OR9Q1: variants seen among roughly 807,000 people sequenced by gnomAD.
The protein encoded by OR9Q1 is olfactory receptor family 9 subfamily Q member 1.
For synonymous variants in OR9Q1, 153 were observed against 148.6 expected, an observed-to-expected ratio of 1.03 and a Z score of -0.22; for missense variants, 374 against 378.8, an observed-to-expected ratio of 0.99 and a Z score of 0.11.
chr11:58,048,013 T>C (rs955336627), intron 1 of OR9Q1, among the ~76,000 whole-genome samples: 13 of 152,302 alleles, frequency 8.5e-5, no homozygotes, highest in Admixed American at 3.3e-4. Flanking sequence ...GTTCCAAGTT[T>C]GTGTTAATCT....
intron 2 of OR9Q1, among the ~76,000 whole-genome samples, chr11:58,112,913 C>T (rs1413359953): frequency 6.6e-6 from 1 of 152,092 alleles, no homozygotes; most frequent in Non-Finnish European, 1.5e-5. Flanking sequence ...TGGTGGCTCA[C>T]TATGCTCCTC....
chr11:58,035,286 T>C (rs755322502), intron 1 of OR9Q1, among the ~76,000 whole-genome samples: 4 of 152,082 alleles, frequency 2.6e-5, no homozygotes, highest in African/African-American at 4.8e-5. Flanking sequence ...CAAATTGTGG[T>C]AGACAATCCA....
At chr11:58,024,693 C>CT (rs1852953428) in intron 1 of OR9Q1, among the ~76,000 whole-genome samples, 2 of 152,312 alleles carry the variant, frequency 1.3e-5, no homozygotes, top group South Asian at 4.1e-4. Context: ...TGGCTGACCT[C>CT]TTTTTTCCTG....
In OR9Q1 at chr11:58,139,356, A is replaced by C. The variant is rs1476626541; in HGVS notation, c.-14-40075A>C. ...GTGCAGGTTTGTTACATAGGTATAC[A>C]TGTGCCATGTTGGTGTGCTGCACCC... is the stretch of plus-strand genomic sequence containing the variant. On this transcript the variant is annotated intron_variant, in intron 2 of 2. Coordinates refer to ENST00000335397, the MANE Select transcript of OR9Q1 (RefSeq NM_001005212.4). 1.3e-5 allele frequency among the ~76,000 whole-genome samples: 2 copies of C among 151,614 alleles called. 1 individual carries two copies. The highest frequency in any genetic ancestry group is 2.9e-5 in the Non-Finnish European group (2 of 67,956).
chr11:58,121,718 C>G (rs183260303), intron 2 of OR9Q1, among the ~76,000 whole-genome samples: 1 of 152,314 alleles, frequency 6.6e-6, no homozygotes, highest in Admixed American at 6.5e-5. Flanking sequence ...TGTTAAGAAA[C>G]TCTTTTCCTT....
chr11:58,141,439 A>C (rs540540378), intron 2 of OR9Q1, among the ~76,000 whole-genome samples: 1 of 152,286 alleles, frequency 6.6e-6, no homozygotes, highest in East Asian at 1.9e-4. Context: ...TGGTTGTTGA[A>C]TTTTGTTAAA....
intron 2 of OR9Q1, among the ~76,000 whole-genome samples, chr11:58,134,757 G>A (rs187459584): frequency 1.7e-3 from 260 of 152,226 alleles, no homozygotes; most frequent in African/African-American, 5.6e-3. Context: ...AACTTGGTAA[G>A]GGATTTTGTG....
At chr11:58,095,121 A>G (rs2514190) in intron 2 of OR9Q1, among the ~76,000 whole-genome samples, 20,686 of 152,242 alleles carry the variant, frequency 0.14, 2,206 homozygotes, top group African/African-American at 0.26. Context: ...AAACTGACCA[A>G]ACCACTGTAG....
At chr11:58,083,445 T>G (rs946537278) in intron 2 of OR9Q1, among the ~76,000 whole-genome samples, 5 of 152,058 alleles carry the variant, frequency 3.3e-5, no homozygotes, top group African/African-American at 1.2e-4. Context: ...TTTCTTTTGC[T>G]GAGCAGAAGC....
chr11:58,119,086 T>G lies in OR9Q1; in HGVS notation c.-14-60345T>G, dbSNP rs762471068. Reference sequence around the variant, plus strand: ...GTTGCGAATGGCAGCATAGCGATCATAGGCCATCACTGCCAGCAGAAAGCA... The same window carrying G: ...GTTGCGAATGGCAGCATAGCGATCAGAGGCCATCACTGCCAGCAGAAAGCA... On this transcript the variant is annotated intron_variant, in intron 2 of 2. Coordinates refer to ENST00000335397, the MANE Select transcript of OR9Q1 (RefSeq NM_001005212.4). 9 of 1,613,938 alleles carry G rather than the reference T, an allele frequency of 5.6e-6. No homozygotes were observed. In the South Asian group the frequency reaches 9.9e-5, roughly 18 times the overall value.
chr11:58,136,258 G>C (rs1854188291), intron 2 of OR9Q1, among the ~76,000 whole-genome samples: 1 of 152,194 alleles, frequency 6.6e-6, no homozygotes, highest in Non-Finnish European at 1.5e-5. Context: ...TTAGATAACA[G>C]ATTGCTGAGA....
At position 58,117,483 on chromosome 11, in the gene OR9Q1, C is replaced by A. The variant is rs562838622; in HGVS notation, c.-15+61536C>A. On this transcript the variant is annotated intron_variant, in intron 2 of 2. Transcript: ENST00000335397. ...GCCAGAAGGCTCAAATAGGAACAAG[C>A]ATGTACCATACAAATTCTTTCAAAA... 10 of 152,292 alleles carry A rather than the reference C, an allele frequency of 6.6e-5. No individual in the cohort carries two copies. In the East Asian group the frequency reaches 1.7e-3, roughly 26 times the overall value. 9.4% of individuals were successfully genotyped at this position (152,292 alleles called of 1,614,324 possible).
chr11:58,129,334 GC>G (rs1854118984), intron 2 of OR9Q1, among the ~76,000 whole-genome samples: 1 of 151,238 alleles, frequency 6.6e-6, no homozygotes, highest in African/African-American at 2.4e-5. Flanking sequence ...TCCCACAATA[GC>G]CCCCTAAATG....
intron 2 of OR9Q1, among the ~76,000 whole-genome samples, chr11:58,170,051 C>T (rs1445354648): frequency 6.6e-6 from 1 of 152,156 alleles, no homozygotes; most frequent in Non-Finnish European, 1.5e-5. Flanking sequence ...TGTCCCTCTG[C>T]TTAGAAGTCT....
intron 1 of OR9Q1, among the ~76,000 whole-genome samples, chr11:58,030,379 C>A (rs1326330055): frequency 6.6e-6 from 1 of 152,124 alleles, no homozygotes; most frequent in Non-Finnish European, 1.5e-5. Context: ...ATGTAGATTT[C>A]CCCCTTGACA....
rs751409022 is a variant in OR9Q1 at position 58,179,523 on chromosome 11, C to T, written c.79C>T (p.Leu27Phe). The T allele has an allele frequency of 1.2e-6, 2 of 1,611,904 alleles. No individual in the cohort carries two copies. The highest frequency in any genetic ancestry group is 1.7e-5 in the Admixed American group (1 of 59,882). ...FTEYPEWALP[L>F]FLLFLFMYLI... ...TGAATATCCTGAATGGGCACTCCCT[C>T]TCTTCCTCTTGTTTTTATTTATGTA... Residue 27 changes from leucine (L) to phenylalanine (F), a missense_variant, in exon 3 of 3, where the codon CTC (leucine) becomes TTC (phenylalanine). Physicochemically the swap from Leu to Phe is conservative, Grantham distance 22. Coordinates refer to ENST00000335397, the MANE Select transcript of OR9Q1 (RefSeq NM_001005212.4).
At chr11:58,158,274 A>T (rs933087218) in intron 2 of OR9Q1, among the ~76,000 whole-genome samples, 2 of 152,128 alleles carry the variant, frequency 1.3e-5, no homozygotes, top group Non-Finnish European at 2.9e-5. Flanking sequence ...TCACCACCAG[A>T]CTGACCATGG....
At chr11:58,046,193 T>G (rs1462561164) in intron 1 of OR9Q1, among the ~76,000 whole-genome samples, 1 of 152,104 alleles carries the variant, frequency 6.6e-6, no homozygotes, top group African/African-American at 2.4e-5. Flanking sequence ...ACAGGTGGGG[T>G]CAGCCCCTTG....
intron 2 of OR9Q1, among the ~76,000 whole-genome samples, chr11:58,173,549 G>A (rs1280416587): frequency 6.6e-6 from 1 of 151,744 alleles, no homozygotes; most frequent in Non-Finnish European, 1.5e-5. Flanking sequence ...TTGGACATTT[G>A]GGTTGGTTCC....
Sources: gnomAD v4.1 joint callset for allele counts (sites outside exome capture counted in the v4.1 genomes callset) on GRCh38, gnomAD v4.1.1 for gene constraint, MANE v1.5 for transcripts, NCBI Gene and HGNC (gene_info 2026-07-23, HGNC 2026-07-21) for gene names.